The following GNB1 variants were observed in gnomAD, a reference collection of about 807,000 sequenced individuals.
The protein encoded by GNB1 is G protein subunit beta 1, also known as guanine nucleotide-binding protein G(I)/G(S)/G(T) subunit beta-1.
GNB1 carries 2 observed loss-of-function variants against 42.9 expected under a neutral mutation model. The ratio of observed to expected loss-of-function variants is 0.05; its 90% CI spans 0.02 to 0.15. GNB1 has a LOEUF of 0.15. Ranked by LOEUF, GNB1 falls within the 10% of genes least tolerant of loss-of-function variation. The pLI, the probability that GNB1 is intolerant of heterozygous loss-of-function variation, is 1.00. For missense variants in GNB1, 193 were observed against 462.2 expected (o/e 0.42, Z 5.34); for synonymous variants, 183 against 174.7 (o/e 1.05, Z -0.38).
At chr1:1,884,596 C>T (rs1394832733) in intron 1 of GNB1, among the ~76,000 whole-genome samples, 1 of 152,146 alleles carries the variant, frequency 6.6e-6, no homozygotes, top group African/African-American at 2.4e-5. Context: ...TTTCTAAGTG[C>T]TACAGGACTG....
At chr1:1,890,488 C>G (rs1000643198) in intron 1 of GNB1, 3 of 149,236 alleles carry the variant, frequency 2.0e-5, no homozygotes, top group Non-Finnish European at 4.5e-5. Context: ...GGGCCCGGCC[C>G]CGCCCGACCC....
intron 6 of GNB1, among the ~76,000 whole-genome samples, chr1:1,805,401 C>T (rs1238581496): frequency 6.6e-6 from 1 of 151,550 alleles, no homozygotes; most frequent in Non-Finnish European, 1.5e-5. Flanking sequence ...GTGGAGGCTG[C>T]AGTGAGCAGA....
intron 7 of GNB1, among the ~76,000 whole-genome samples, chr1:1,797,765 A>G (rs547655783): frequency 2.3e-4 from 35 of 152,276 alleles, no homozygotes; most frequent in African/African-American, 8.2e-4. Flanking sequence ...CAATGAACAC[A>G]CTTTGAAAGG....
intron 1 of GNB1, among the ~76,000 whole-genome samples, chr1:1,839,475 A>G (rs146930215): frequency 6.6e-6 from 1 of 152,320 alleles, no homozygotes; most frequent in Non-Finnish European, 1.5e-5. Flanking sequence ...GCCCCAGGGA[A>G]AATACCTTGA....
intron 2 of GNB1, among the ~76,000 whole-genome samples, chr1:1,837,184 G>A (rs1423110244): frequency 2.7e-5 from 4 of 148,410 alleles, no homozygotes. Context: ...TCTAAAAACT[G>A]TTTGCTTAAT....
At chr1:1,853,604 C>T (rs1648105080) in intron 1 of GNB1, among the ~76,000 whole-genome samples, 1 of 152,116 alleles carries the variant, frequency 6.6e-6, no homozygotes. Context: ...GCAAAACCCA[C>T]AAAATATAGA....
chr1:1,864,816 C>T (rs1648833892), intron 1 of GNB1, among the ~76,000 whole-genome samples: 1 of 152,234 alleles, frequency 6.6e-6, no homozygotes, highest in Admixed American at 6.5e-5. Context: ...TGCTCACTTA[C>T]AGCTGCTGAT....
chr1:1,819,933 G>A (rs149311313), intron 3 of GNB1, among the ~76,000 whole-genome samples: 5 of 152,324 alleles, frequency 3.3e-5, no homozygotes, highest in South Asian at 2.1e-4. Flanking sequence ...CCTTACAGGC[G>A]TGCGTCCAAG....
chr1:1,882,915 C>T (rs35349711), intron 1 of GNB1, among the ~76,000 whole-genome samples: 22,740 of 145,224 alleles, frequency 0.16, 1,935 homozygotes, highest in Middle Eastern at 0.3. Context: ...GGCAAGACTC[C>T]GTCTCAAAAA....
At chr1:1,814,822 A>G (rs1387613366) in intron 5 of GNB1, among the ~76,000 whole-genome samples, 2 of 140,612 alleles carry the variant, frequency 1.4e-5, no homozygotes, top group Non-Finnish European at 1.5e-5. Context: ...AAAAAAAAAG[A>G]AAAAAAGAGG....
At chr1:1,801,035 T>G (rs983788475) in intron 7 of GNB1, among the ~76,000 whole-genome samples, 33 of 152,334 alleles carry the variant, frequency 2.2e-4, no homozygotes, top group African/African-American at 7.9e-4. Context: ...ATTTACTTCA[T>G]TCTTTTCTCT....
At chr1:1,791,996 C>T (rs2100526672) in intron 8 of GNB1, among the ~76,000 whole-genome samples, 1 of 152,102 alleles carries the variant, frequency 6.6e-6, no homozygotes, top group Admixed American at 6.6e-5. Flanking sequence ...CCACCAACTG[C>T]GTGACTAGGG....
intron 1 of GNB1, among the ~76,000 whole-genome samples, chr1:1,850,794 A>G (rs185152622): frequency 6.6e-6 from 1 of 152,174 alleles, no homozygotes; most frequent in East Asian, 1.9e-4. Context: ...TGTATCTCAT[A>G]ATTTTTTATT....
chr1:1,797,446 T>A (rs1035565659), intron 7 of GNB1, among the ~76,000 whole-genome samples: 1 of 146,766 alleles, frequency 6.8e-6, no homozygotes, highest in Admixed American at 6.8e-5. Context: ...CCAAAATTCC[T>A]TTTTTTTTTT....
At chr1:1,874,311 A>C (rs969054087) in intron 1 of GNB1, among the ~76,000 whole-genome samples, 1 of 152,144 alleles carries the variant, frequency 6.6e-6, no homozygotes, top group African/African-American at 2.4e-5. Context: ...TCTACTAAAA[A>C]TACAAAAATT....
At chr1:1,811,286 C>T (rs949472930) in intron 5 of GNB1, among the ~76,000 whole-genome samples, 1 of 151,818 alleles carries the variant, frequency 6.6e-6, no homozygotes, top group Non-Finnish European at 1.5e-5. Context: ...TGGGGTTTCA[C>T]CATGTCAGCC....
chr1:1,798,257 T>C (rs1044233592), intron 7 of GNB1, among the ~76,000 whole-genome samples: 12 of 152,190 alleles, frequency 7.9e-5, no homozygotes, highest in Admixed American at 1.3e-4. Flanking sequence ...CTGGTAACAG[T>C]GAGCCTCAAG....
intron 1 of GNB1, among the ~76,000 whole-genome samples, chr1:1,851,776 G>A (rs997965571): frequency 4.6e-5 from 7 of 152,142 alleles, no homozygotes; most frequent in South Asian, 2.1e-4. Context: ...GGGCACAGCG[G>A]CTCACGCCTA....
At position 1,882,069 on chromosome 1, in the gene GNB1, G is replaced by A. The variant is rs376346098; in HGVS notation, c.-96+8751C>T. ...ACTGCCCTCCGCTCTGTGCCTGCGT[G>A]TCAGGCTCCCTATTAGACCATGAAT... On this transcript the variant is annotated intron_variant, in intron 1 of 11. Transcript: ENST00000378609. Among the ~76,000 whole-genome samples, 15 of 152,264 alleles carry A rather than the reference G, an allele frequency of 9.9e-5. No homozygotes were observed. The South Asian group carries it at 3.1e-3, about 32-fold the overall frequency.
Sources: allele counts gnomAD v4.1 joint callset (sites outside exome capture counted in the v4.1 genomes callset), GRCh38; gene constraint gnomAD v4.1.1; transcripts MANE v1.5; gene names NCBI Gene and HGNC (gene_info 2026-07-23, HGNC 2026-07-21).